The following TMEM233 variants were observed in gnomAD, a reference collection of about 807,000 sequenced individuals.
TMEM233 encodes dispanin subfamily B member 2.
A neutral mutation model predicts 11.2 loss-of-function variants in TMEM233; 6 were observed. That is an observed-to-expected ratio of 0.54 (90% CI 0.29 to 1.06). TMEM233 has a LOEUF of 1.06. TMEM233 is among the 50% of genes least tolerant of loss of function. The pLI is 0.08. For missense variants in TMEM233, 127 were observed against 144.7 expected (o/e 0.88, Z 0.63); for synonymous variants, 59 against 55.8 (o/e 1.06, Z -0.26).
intron 2 of TMEM233, among the ~76,000 whole-genome samples, chr12:119,637,359 G>T (rs554714765): frequency 6.6e-6 from 1 of 152,298 alleles, no homozygotes; most frequent in African/African-American, 2.4e-5. Flanking sequence ...TCTAAACAGG[G>T]GTTAGGGTCC....
At chr12:119,649,375 C>T in the TMEM233 span, among the ~76,000 whole-genome samples, 1 of 152,014 alleles carries the variant, frequency 6.6e-6, no homozygotes, top group Non-Finnish European at 1.5e-5. Context: ...CCAAATGAAC[C>T]CCAGCCTCCT....
chr12:119,601,780 T>C (rs1954172625), intron 1 of TMEM233, among the ~76,000 whole-genome samples: 1 of 152,120 alleles, frequency 6.6e-6, no homozygotes, highest in African/African-American at 2.4e-5. Flanking sequence ...AATAAAGACA[T>C]TTCCAGACAT....
chr12:119,635,593 T>G (rs925057390), intron 2 of TMEM233, among the ~76,000 whole-genome samples: 8 of 152,210 alleles, frequency 5.3e-5, no homozygotes, highest in African/African-American at 1.9e-4. Context: ...CTAGGTATTC[T>G]GTAATTTAGC....
intron 2 of TMEM233, among the ~76,000 whole-genome samples, chr12:119,630,926 T>C (rs1179397970): frequency 2.0e-5 from 3 of 152,196 alleles, no homozygotes; most frequent in African/African-American, 7.2e-5. Flanking sequence ...GACAAGGAGC[T>C]CTCATCTCAT....
intron 1 of TMEM233, among the ~76,000 whole-genome samples, chr12:119,609,317 T>C (rs554089549): frequency 1.3e-5 from 2 of 152,180 alleles, no homozygotes; most frequent in Admixed American, 6.5e-5. Context: ...CAATAAAGCA[T>C]TCAGAAGGAA....
At chr12:119,631,770 C>T (rs553439504) in intron 2 of TMEM233, 39 of 520,254 alleles carry the variant, frequency 7.5e-5, no homozygotes, top group African/African-American at 7.4e-4. Flanking sequence ...TTTAACATTC[C>T]TGAACCTCAG....
intron 1 of TMEM233, among the ~76,000 whole-genome samples, chr12:119,612,140 C>T (rs137898943): frequency 0.011 from 1,726 of 152,128 alleles, 32 homozygotes; most frequent in African/African-American, 0.039. Context: ...ACTACAGGCA[C>T]GTGGCACCAT....
At chr12:119,646,864 C>G (rs1955159594), downstream of TMEM233, among the ~76,000 whole-genome samples, 1 of 152,202 alleles carries the variant, frequency 6.6e-6, no homozygotes, top group East Asian at 1.9e-4. Flanking sequence ...CCAACATATT[C>G]ACAAGTTCCA....
chr12:119,620,279 A>G (rs1320767052), intron 1 of TMEM233, among the ~76,000 whole-genome samples: 1 of 152,230 alleles, frequency 6.6e-6, no homozygotes, highest in Non-Finnish European at 1.5e-5. Context: ...AGTATTGGCA[A>G]TGATGTCAGG....
chr12:119,642,940 T>C lies in TMEM233; in HGVS notation c.*2235T>C, dbSNP rs1481005810. ...CACAGAGATTCTAGCATCATTCCAA[T>C]AGATTGGACCCTGATTTCTGTTTCT... On this transcript the variant is annotated 3_prime_UTR_variant, in exon 3 of 3. Coordinates refer to ENST00000426426, the MANE Select transcript of TMEM233 (RefSeq NM_001136534.3). 3 of 152,202 alleles carry C rather than the reference T, an allele frequency of 2.0e-5. No individual in the cohort carries two copies. The highest frequency in any genetic ancestry group is 2.1e-4 in the South Asian group (1 of 4,830). 9.4% of individuals were successfully genotyped at this position (152,202 alleles called of 1,614,324 possible). A position where few individuals can be genotyped will look rare whatever the true frequency, so the allele number is the denominator to read the frequency against.
chr12:119,638,703 G>GCCATA (rs1955017492), intron 2 of TMEM233, among the ~76,000 whole-genome samples: 1 of 152,122 alleles, frequency 6.6e-6, no homozygotes, highest in Non-Finnish European at 1.5e-5. Flanking sequence ...TAAATTAGGA[G>GCCATA]TGATGTATTC....
Position 119,612,683 on chromosome 12 carries a change from G to A in TMEM233, c.187-17053G>A, listed in dbSNP as rs374610810. Among the ~76,000 whole-genome samples, 218 of 150,976 alleles carry A rather than the reference G, an allele frequency of 1.4e-3. 1 individual carries two copies. The highest frequency in any genetic ancestry group is 0.012 in the Admixed American group (181 of 15,186). ...GGGAGAATGGCATGAACCGGGAGGC[G>A]GAGGTTGCAGTGAGCCAAGATCACG... is the stretch of plus-strand genomic sequence containing the variant. On this transcript the variant is annotated intron_variant, in intron 1 of 2. Transcript: ENST00000426426.
Position 119,593,927 on chromosome 12 carries a change from A to G in TMEM233, c.79A>G (p.Thr27Ala). 1 of 1,551,716 alleles carries G rather than the reference A, an allele frequency of 6.4e-7. No homozygotes were observed. The highest frequency in any genetic ancestry group is 8.7e-7 in the Non-Finnish European group (1 of 1,146,998). Residue 27 changes from threonine (T) to alanine (A), a missense_variant, in exon 1 of 3, where the codon ACC (threonine) becomes GCC (alanine). Coordinates refer to ENST00000426426, the MANE Select transcript of TMEM233 (RefSeq NM_001136534.3). This position sits in a 1 kb window ranked among gnomAD's most constrained non-coding sequence, Gnocchi z 4.1. ...CGAGGCCAACACTGAAGATGACAAG[A>G]CCGAGGAGGACGTGCCCATGCCCAA... Reference protein sequence around the residue: ...SPEANTEDDKTEEDVPMPKNY... With the variant: ...SPEANTEDDKAEEDVPMPKNY...
At chr12:119,629,382 C>T (rs1203683254) in intron 1 of TMEM233, among the ~76,000 whole-genome samples, 1 of 135,276 alleles carries the variant, frequency 7.4e-6, no homozygotes, top group Non-Finnish European at 1.6e-5. Flanking sequence ...TGCACTTCAG[C>T]CTGGGTGACA....
chr12:119,613,444 C>T (rs1352011089), intron 1 of TMEM233, among the ~76,000 whole-genome samples: 1 of 152,140 alleles, frequency 6.6e-6, no homozygotes, highest in Non-Finnish European at 1.5e-5. Context: ...GACTGTGACT[C>T]GCGTCAAGAG....
the TMEM233 span, among the ~76,000 whole-genome samples, chr12:119,652,923 G>A: frequency 7.2e-5 from 11 of 152,134 alleles, no homozygotes; most frequent in Non-Finnish European, 1.5e-4. Context: ...CTAGTATGTA[G>A]AAGGCACAAA....
chr12:119,605,531 C>T (rs1399339550), intron 1 of TMEM233, among the ~76,000 whole-genome samples: 2 of 149,044 alleles, frequency 1.3e-5, no homozygotes, highest in African/African-American at 5.0e-5. Context: ...CAGGCTAAGT[C>T]GATCCTCCCA....
chr12:119,602,144 G>A (rs190376804), intron 1 of TMEM233, among the ~76,000 whole-genome samples: 37 of 152,246 alleles, frequency 2.4e-4, no homozygotes, highest in African/African-American at 8.2e-4. Context: ...AACAAACCAC[G>A]TGTTTTTTCC....
intron 2 of TMEM233, among the ~76,000 whole-genome samples, chr12:119,638,712 T>C (rs1955017968): frequency 6.6e-6 from 1 of 152,080 alleles, no homozygotes; most frequent in Non-Finnish European, 1.5e-5. Flanking sequence ...AGTGATGTAT[T>C]CATATGATGG....
Sources: allele counts gnomAD v4.1 joint callset (sites outside exome capture counted in the v4.1 genomes callset), GRCh38; gene constraint gnomAD v4.1.1; non-coding constraint Gnocchi (gnomAD v3.1); transcripts MANE v1.5; gene names NCBI Gene and HGNC (gene_info 2026-07-23, HGNC 2026-07-21).